CYSTM1: variants seen among roughly 807,000 people sequenced by gnomAD.
CYSTM1 encodes the protein cysteine rich transmembrane module containing 1, also known as cysteine-rich transmembrane module-containing protein 1.
Under a neutral mutation model 13.1 loss-of-function variants are expected in CYSTM1, and 4 were observed. That is an observed-to-expected ratio of 0.31 (90% CI 0.15 to 0.70). The LOEUF (loss-of-function observed/expected upper bound fraction) is 0.70. Ranked by LOEUF, CYSTM1 falls within the 30% of genes least tolerant of loss-of-function variation. The pLI is 0.72. For synonymous variants in CYSTM1, 36 were observed against 42.7 expected (o/e 0.84, Z 0.62); for missense variants, 96 against 121.6 (o/e 0.79, Z 0.99).
At chr5:140,189,951 G>A (rs1196303755) in intron 1 of CYSTM1, among the ~76,000 whole-genome samples, 1 of 152,096 alleles carries the variant, frequency 6.6e-6, no homozygotes, top group Non-Finnish European at 1.5e-5. Flanking sequence ...TTTTTTTAAT[G>A]TATGAGCATG....
At chr5:140,204,897 C>CT (rs1764279535) in intron 2 of CYSTM1, among the ~76,000 whole-genome samples, 1 of 152,246 alleles carries the variant, frequency 6.6e-6, no homozygotes, top group Non-Finnish European at 1.5e-5. Flanking sequence ...GTCACTTTCC[C>CT]TTAGAGACCC....
intron 2 of CYSTM1, among the ~76,000 whole-genome samples, chr5:140,225,379 G>A (rs1185895203): frequency 6.6e-6 from 1 of 152,176 alleles, no homozygotes; most frequent in Admixed American, 6.5e-5. Flanking sequence ...TCAATCAGTG[G>A]GAGGGAGTTG....
intron 2 of CYSTM1, among the ~76,000 whole-genome samples, chr5:140,217,444 C>T (rs1764440961): frequency 6.6e-6 from 1 of 152,096 alleles, no homozygotes; most frequent in Non-Finnish European, 1.5e-5. Context: ...AAAGGTGTAT[C>T]CTGTGGCTAC....
At chr5:140,180,872 C>T (rs1763953417) in intron 1 of CYSTM1, among the ~76,000 whole-genome samples, 1 of 152,136 alleles carries the variant, frequency 6.6e-6, no homozygotes, top group Non-Finnish European at 1.5e-5. Context: ...TTTGATCTAC[C>T]TGAATTTACT....
intron 2 of CYSTM1, among the ~76,000 whole-genome samples, chr5:140,208,208 T>C (rs1256798185): frequency 1.3e-5 from 2 of 152,240 alleles, no homozygotes; most frequent in East Asian, 3.8e-4. Flanking sequence ...CATCAGCAGA[T>C]GACTGGATTT....
chr5:140,210,328 T>C (rs924161232), intron 2 of CYSTM1, among the ~76,000 whole-genome samples: 4 of 152,120 alleles, frequency 2.6e-5, no homozygotes, highest in Admixed American at 1.3e-4. Context: ...TTGTGGGGGC[T>C]GTCCTGTGTA....
chr5:140,228,690 G>GTC (rs1177620683), intron 2 of CYSTM1: 3 of 398,894 alleles, frequency 7.5e-6, no homozygotes, highest in Admixed American at 4.4e-5. Context: ...CTCTGACTGG[G>GTC]TCTCTCTCTC....
intron 2 of CYSTM1, among the ~76,000 whole-genome samples, chr5:140,206,559 G>C (rs773828725): frequency 6.6e-6 from 1 of 152,136 alleles, no homozygotes; most frequent in Non-Finnish European, 1.5e-5. Context: ...GTATTGAGCT[G>C]CTGCTTCCTG....
At chr5:140,240,001 C>T (rs977913757) in intron 2 of CYSTM1, among the ~76,000 whole-genome samples, 1 of 152,070 alleles carries the variant, frequency 6.6e-6, no homozygotes, top group Non-Finnish European at 1.5e-5. Context: ...ACCCTGCCCG[C>T]GTCAGGAGCT....
At chr5:140,196,826 A>T (rs1764164685) in intron 2 of CYSTM1, among the ~76,000 whole-genome samples, 1 of 152,252 alleles carries the variant, frequency 6.6e-6, no homozygotes, top group Non-Finnish European at 1.5e-5. Context: ...ATGATGCCAG[A>T]GATCAAAATA....
intron 2 of CYSTM1, among the ~76,000 whole-genome samples, chr5:140,213,143 C>A (rs900386292): frequency 3.3e-5 from 5 of 150,718 alleles, no homozygotes; most frequent in Non-Finnish European, 5.9e-5. Context: ...ATGTTATTAC[C>A]CCTGAAGACC....
In CYSTM1 at chr5:140,243,405, C is replaced by T. The variant is rs754879605; in HGVS notation, c.288C>T (p.Leu96=). 8.7e-6 allele frequency: 14 copies of T among 1,613,812 alleles called. No homozygotes were observed. The highest frequency in any genetic ancestry group is 1.6e-4 in the Middle Eastern group (1 of 6,068). Residue 96 remains leucine, a synonymous_variant, in exon 3 of 3, where the codon CTC becomes CTT. Transcript: ENST00000261811. ...GTTGCTGCTGTCTCTGGGACATGCT[C>T]ACCTGACCAGACCAGCCCAGCCGTC... ...ALCCCCLWDM[L]T
intron 2 of CYSTM1, among the ~76,000 whole-genome samples, chr5:140,223,627 G>GATC (rs1183780408): frequency 1.3e-5 from 2 of 152,358 alleles, no homozygotes; most frequent in East Asian, 3.9e-4. Context: ...CCAGACAGTA[G>GATC]ATCAGATCCT....
intron 1 of CYSTM1, among the ~76,000 whole-genome samples, chr5:140,177,078 A>AACAAAAAAAAAACAAACAAAC (rs1763899377): frequency 7.4e-6 from 1 of 135,544 alleles, no homozygotes; most frequent in African/African-American, 2.6e-5. Flanking sequence ...CAAAAAAAAA[A>AACAAAAAAAAAACAAACAAAC]AAAAAAAAAT....
At chr5:140,195,768 G>C (rs111671745) in intron 2 of CYSTM1, among the ~76,000 whole-genome samples, 16 of 149,894 alleles carry the variant, frequency 1.1e-4, no homozygotes, top group African/African-American at 3.4e-4. Flanking sequence ...ATTATGGCCA[G>C]GCACAGTGGC....
At chr5:140,203,565 T>A (rs1764255986) in intron 2 of CYSTM1, among the ~76,000 whole-genome samples, 1 of 152,246 alleles carries the variant, frequency 6.6e-6, no homozygotes, top group Admixed American at 6.5e-5. Context: ...TCCTGTTGAC[T>A]GAAACATTCT....
chr5:140,210,677 A>G (rs1764357338), intron 2 of CYSTM1, among the ~76,000 whole-genome samples: 1 of 151,934 alleles, frequency 6.6e-6, no homozygotes. Context: ...ATGCCCAGCT[A>G]ATTTTTGTAT....
chr5:140,193,863 C>T (rs1486033275), intron 1 of CYSTM1, among the ~76,000 whole-genome samples: 2 of 152,152 alleles, frequency 1.3e-5, no homozygotes, highest in East Asian at 3.8e-4. Flanking sequence ...CTGCTCAGAG[C>T]AGCGGGTCTG....
intron 1 of CYSTM1, among the ~76,000 whole-genome samples, chr5:140,178,121 C>G (rs1035806209): frequency 6.6e-6 from 1 of 152,102 alleles, no homozygotes; most frequent in Non-Finnish European, 1.5e-5. Context: ...TAGAAATGCT[C>G]TTTCTTAAGG....
Sources: allele counts gnomAD v4.1 joint callset (sites outside exome capture counted in the v4.1 genomes callset), GRCh38; gene constraint gnomAD v4.1.1; transcripts MANE v1.5; gene names NCBI Gene and HGNC (gene_info 2026-07-23, HGNC 2026-07-21).